Variants in LRP1B observed in about 807,000 individuals in gnomAD.
LRP1B encodes the protein low-density lipoprotein receptor-related protein 1B.
Under a neutral mutation model 556.6 loss-of-function variants are expected in LRP1B, and 217 were observed. That is an observed-to-expected ratio of 0.39 (90% CI 0.35 to 0.44). The LOEUF (loss-of-function observed/expected upper bound fraction) is 0.44. Ranked by LOEUF, LRP1B falls within the 20% of genes least tolerant of loss-of-function variation. The probability of loss-of-function intolerance (pLI) is 1.00; values close to 1 mark genes in which losing one functional copy is unlikely to be tolerated. For synonymous variants in LRP1B, 2,047 were observed against 1,865.8 expected, an observed-to-expected ratio of 1.10 and a Z score of -2.50; for missense variants, 5,053 against 5,620.8, an observed-to-expected ratio of 0.90 and a Z score of 3.23.
At chr2:140,305,731 G>T (rs1069713) in intron 83 of LRP1B, among the ~76,000 whole-genome samples, 4 of 151,780 alleles carry the variant, frequency 2.6e-5, no homozygotes, top group African/African-American at 4.8e-5. Context: ...GTCTTGTGCC[G>T]GTTTTCAAAG....
intron 2 of LRP1B, among the ~76,000 whole-genome samples, chr2:141,546,756 T>C (rs1685568842): frequency 6.6e-6 from 1 of 152,182 alleles, no homozygotes; most frequent in Non-Finnish European, 1.5e-5. Context: ...TTTATCCTCC[T>C]TAAATCATCT....
chr2:141,379,941 T>C (rs1182674237), intron 3 of LRP1B, among the ~76,000 whole-genome samples: 2 of 152,136 alleles, frequency 1.3e-5, no homozygotes, highest in Non-Finnish European at 2.9e-5. Flanking sequence ...AATGGGTGGG[T>C]GAGCATTTTG....
At chr2:141,878,475 A>G (rs1698843250) in intron 1 of LRP1B, among the ~76,000 whole-genome samples, 1 of 152,034 alleles carries the variant, frequency 6.6e-6, no homozygotes, top group African/African-American at 2.4e-5. Flanking sequence ...ACAGGACCAC[A>G]TTAAATTAAT....
chr2:141,833,700 C>T (rs575437423), intron 1 of LRP1B, among the ~76,000 whole-genome samples: 2 of 151,654 alleles, frequency 1.3e-5, no homozygotes, highest in Non-Finnish European at 3.0e-5. Flanking sequence ...GCTGTCATAT[C>T]TCCAGCTCCT....
intron 5 of LRP1B, among the ~76,000 whole-genome samples, chr2:141,246,402 G>A (rs544055675): frequency 6.6e-6 from 1 of 152,324 alleles, no homozygotes; most frequent in African/African-American, 2.4e-5. Context: ...AATGATACCA[G>A]GCCATTAGGC....
At chr2:141,790,113 G>A (rs895757144) in intron 2 of LRP1B, among the ~76,000 whole-genome samples, 9 of 151,744 alleles carry the variant, frequency 5.9e-5, no homozygotes, top group African/African-American at 2.4e-5. Flanking sequence ...GACACACACC[G>A]TTTGAATCAT....
chr2:140,232,924 A>G lies in LRP1B; in HGVS notation c.*262T>C. On this transcript the variant is annotated 3_prime_UTR_variant, in exon 91 of 91. Transcript: ENST00000389484. ...AAGGAATACGTTGTTTTTAATTTTA[A>G]CAAATTCAAAGGTGTGTCATATCAG... 1 of 269,754 alleles carries G rather than the reference A, an allele frequency of 3.7e-6. No homozygotes were observed. The highest frequency in any genetic ancestry group is 5.2e-5 in the Admixed American group (1 of 19,136). The allele number at this position is 269,754 out of a possible 1,614,324, so 16.7% of individuals were successfully genotyped here.
intron 11 of LRP1B, among the ~76,000 whole-genome samples, chr2:141,029,374 G>T (rs546417027): frequency 5.7e-4 from 86 of 152,150 alleles, no homozygotes; most frequent in Non-Finnish European, 1.1e-3. Context: ...TCCCCTGTGG[G>T]CCTTGAGTGT....
chr2:141,480,631 A>G (rs2105090821), intron 2 of LRP1B, 98 bp from the exon 3 acceptor site: 1 of 1,194,480 alleles, frequency 8.4e-7, no homozygotes, highest in East Asian at 2.4e-5. Flanking sequence ...TACAAAACAA[A>G]ACTATAGAAA....
At chr2:141,040,632 C>T (rs908512250) in intron 11 of LRP1B, among the ~76,000 whole-genome samples, 1 of 151,778 alleles carries the variant, frequency 6.6e-6, no homozygotes, top group Admixed American at 6.6e-5. Flanking sequence ...TGTGTGCGCA[C>T]ATGTGTATGT....
intron 31 of LRP1B, among the ~76,000 whole-genome samples, 160 bp downstream of exon 31, chr2:140,839,831 C>A (rs940273648): frequency 6.6e-6 from 1 of 152,106 alleles, no homozygotes; most frequent in African/African-American, 2.4e-5. Context: ...ACTAATAAAC[C>A]TAACAGAAAC....
chr2:140,306,953 G>C (rs993955968), intron 83 of LRP1B, among the ~76,000 whole-genome samples: 1 of 151,738 alleles, frequency 6.6e-6, no homozygotes, highest in Admixed American at 6.6e-5. Context: ...ATATTATTAA[G>C]GTCTATATTT....
intron 79 of LRP1B, among the ~76,000 whole-genome samples, chr2:140,334,031 A>G (rs574360908): frequency 1.3e-5 from 2 of 151,846 alleles, no homozygotes; most frequent in African/African-American, 2.4e-5. Context: ...AAAAAAAAAA[A>G]CACCAAACCT....
intron 3 of LRP1B, among the ~76,000 whole-genome samples, chr2:141,280,480 G>C (rs1042891336): frequency 4.6e-5 from 7 of 151,864 alleles, no homozygotes; most frequent in African/African-American, 1.2e-4. Flanking sequence ...TATTAAGTTG[G>C]TGCAAAATAA....
At chr2:140,671,240 G>C (rs1423771903) in intron 41 of LRP1B, among the ~76,000 whole-genome samples, 1 of 152,118 alleles carries the variant, frequency 6.6e-6, no homozygotes, top group Non-Finnish European at 1.5e-5. Flanking sequence ...TGTTTTCTTG[G>C]CCGGGCGCGG....
At chr2:141,212,248 GATTTTTTTTTTTTTT>G (rs1682589865) in intron 6 of LRP1B, among the ~76,000 whole-genome samples, 8 of 48,644 alleles carry the variant, frequency 1.6e-4, no homozygotes, top group African/African-American at 5.5e-4. Flanking sequence ...AAAAAGTCTA[GATTTTTTTTTTTTTT>G]TTTTTTTTTT....
chr2:140,579,315 CT>C (rs796504479), intron 43 of LRP1B, among the ~76,000 whole-genome samples: 8 of 150,876 alleles, frequency 5.3e-5, no homozygotes, highest in Middle Eastern at 6.8e-3. Context: ...AGATCAGTAG[CT>C]TTTTTTTTAG....
At chr2:140,754,205 A>G (rs1003867137) in intron 35 of LRP1B, among the ~76,000 whole-genome samples, 2 of 152,210 alleles carry the variant, frequency 1.3e-5, no homozygotes, top group African/African-American at 4.8e-5. Flanking sequence ...GTTTTAAGCA[A>G]TTAAGAGCAG....
intron 66 of LRP1B, among the ~76,000 whole-genome samples, chr2:140,441,920 T>A (rs975545736): frequency 6.6e-6 from 1 of 152,176 alleles, no homozygotes; most frequent in Non-Finnish European, 1.5e-5. Flanking sequence ...ACAAAATAAA[T>A]ATATATTCTC....
Sources: allele counts gnomAD v4.1 joint callset (sites outside exome capture counted in the v4.1 genomes callset), GRCh38; gene constraint gnomAD v4.1.1; transcripts MANE v1.5; gene names NCBI Gene and HGNC (gene_info 2026-07-23, HGNC 2026-07-21).